The following DLG2 variants were observed in gnomAD, a reference collection of about 807,000 sequenced individuals.
The protein encoded by DLG2 is discs large MAGUK scaffold protein 2, also known as disks large homolog 2.
In DLG2, 45 loss-of-function variants were observed where a neutral mutation model predicts 132.5. That is an observed-to-expected ratio of 0.34 (90% CI 0.27 to 0.44). The LOEUF is 0.44. Ranked by LOEUF, DLG2 falls within the 20% of genes least tolerant of loss-of-function variation. The probability of loss-of-function intolerance (pLI) is 1.00; values close to 1 mark genes in which losing one functional copy is unlikely to be tolerated. For missense variants in DLG2, 1,045 were observed against 1,196.9 expected, an observed-to-expected ratio of 0.87 and a Z score of 1.87; for synonymous variants, 424 against 419.6, an observed-to-expected ratio of 1.01 and a Z score of -0.13.
At chr11:84,384,511 A>C (rs1296472040) in intron 7 of DLG2, among the ~76,000 whole-genome samples, 1 of 152,118 alleles carries the variant, frequency 6.6e-6, no homozygotes, top group Non-Finnish European at 1.5e-5. Context: ...CCCTCCTATT[A>C]GAATGATAAT....
At chr11:83,620,869 C>CAA (rs56868518) in intron 19 of DLG2, among the ~76,000 whole-genome samples, 8,209 of 56,944 alleles carry the variant, frequency 0.14, 1,474 homozygotes, top group East Asian at 0.46. Flanking sequence ...GACTCCGTCT[C>CAA]AAAAAAAAAA....
chr11:83,761,840 C>T (rs1178371487), intron 18 of DLG2, among the ~76,000 whole-genome samples: 3 of 152,194 alleles, frequency 2.0e-5, no homozygotes, highest in Admixed American at 2.0e-4. Context: ...CATAGCAACT[C>T]AACAAATCTT....
At chr11:84,139,282 C>T (rs1460898850) in intron 9 of DLG2, among the ~76,000 whole-genome samples, 6 of 152,042 alleles carry the variant, frequency 3.9e-5, no homozygotes, top group Admixed American at 3.3e-4. Context: ...CCATGAATTC[C>T]AGGCACCACA....
chr11:84,947,187 G>A (rs1416719664), intron 6 of DLG2, among the ~76,000 whole-genome samples: 2 of 152,128 alleles, frequency 1.3e-5, no homozygotes, highest in Non-Finnish European at 2.9e-5. Flanking sequence ...ACCAGGTACT[G>A]TAATTGCTTA....
intron 6 of DLG2, among the ~76,000 whole-genome samples, chr11:84,840,217 C>T (rs1420352060): frequency 6.6e-6 from 1 of 152,132 alleles, no homozygotes; most frequent in Non-Finnish European, 1.5e-5. Context: ...GACGTTTATG[C>T]AGCCAACAGA....
chr11:84,374,069 C>T (rs1438232200), intron 7 of DLG2, among the ~76,000 whole-genome samples: 6 of 152,144 alleles, frequency 3.9e-5, no homozygotes, highest in Non-Finnish European at 5.9e-5. Flanking sequence ...TGAAAACCCA[C>T]CAAACTGAGT....
At chr11:84,199,179 G>GA in intron 8 of DLG2, among the ~76,000 whole-genome samples, 2 of 152,226 alleles carry the variant, frequency 1.3e-5, no homozygotes. Flanking sequence ...GTGCTAGAAA[G>GA]CTTTGAATCT....
At chr11:85,575,993 G>A (rs191364125) in intron 3 of DLG2, among the ~76,000 whole-genome samples, 1 of 152,204 alleles carries the variant, frequency 6.6e-6, no homozygotes, top group East Asian at 1.9e-4. Flanking sequence ...ATGAATAATT[G>A]CATCAATAAG....
intron 6 of DLG2, among the ~76,000 whole-genome samples, chr11:84,626,034 T>C (rs1004016536): frequency 3.8e-4 from 58 of 152,368 alleles, no homozygotes; most frequent in African/African-American, 1.3e-3. Flanking sequence ...ATAATTATGA[T>C]AGTAACTGCT....
chr11:85,027,942 C>A (rs1257962083), intron 6 of DLG2, among the ~76,000 whole-genome samples: 1 of 152,122 alleles, frequency 6.6e-6, no homozygotes, highest in Non-Finnish European at 1.5e-5. Context: ...CTCTTTCAGT[C>A]CCACCATTTG....
intron 12 of DLG2, among the ~76,000 whole-genome samples, chr11:83,977,552 A>G (rs1454489175): frequency 6.6e-6 from 1 of 152,100 alleles, no homozygotes; most frequent in Non-Finnish European, 1.5e-5. Flanking sequence ...AGGCAGGAGG[A>G]AAAACATATT....
intron 7 of DLG2, among the ~76,000 whole-genome samples, chr11:84,266,788 C>T (rs2097643497): frequency 6.6e-6 from 1 of 152,212 alleles, no homozygotes; most frequent in Non-Finnish European, 1.5e-5. Flanking sequence ...AAGAATTTAT[C>T]TGAGGCAAGA....
intron 4 of DLG2, among the ~76,000 whole-genome samples, chr11:85,275,413 T>C (rs2077827066): frequency 6.6e-6 from 1 of 152,204 alleles, no homozygotes; most frequent in African/African-American, 2.4e-5. Context: ...CTTATATTAC[T>C]TACTTTCAAT....
intron 6 of DLG2, among the ~76,000 whole-genome samples, chr11:84,653,237 A>C (rs2099684286): frequency 6.6e-6 from 1 of 152,130 alleles, no homozygotes; most frequent in African/African-American, 2.4e-5. Context: ...GCCCAATATT[A>C]GATTTTTAAT....
intron 6 of DLG2, among the ~76,000 whole-genome samples, chr11:84,571,260 T>A (rs886309863): frequency 6.6e-6 from 1 of 152,032 alleles, no homozygotes; most frequent in African/African-American, 2.4e-5. Flanking sequence ...TCCCATCTCC[T>A]CTTTTTCCTT....
At chr11:83,647,041 C>A (rs1333988415) in intron 18 of DLG2, 1 of 151,962 alleles carries the variant, frequency 6.6e-6, no homozygotes, top group Non-Finnish European at 1.5e-5. Flanking sequence ...GCTTATAAGT[C>A]CAAATTAATG....
intron 7 of DLG2, among the ~76,000 whole-genome samples, chr11:84,502,218 C>CT (rs1567803567): frequency 0.017 from 200 of 11,662 alleles, 42 homozygotes; most frequent in Admixed American, 0.023. Context: ...TTCCTTCCTT[C>CT]CTTCCTTCCT....
chr11:83,484,634 T>C (rs1294838520), intron 21 of DLG2, among the ~76,000 whole-genome samples: 1 of 152,182 alleles, frequency 6.6e-6, no homozygotes, highest in African/African-American at 2.4e-5. Context: ...GCTCTTACGT[T>C]GTGAGACTCA....
At chr11:85,056,022 C>T (rs1313412338) in intron 6 of DLG2, among the ~76,000 whole-genome samples, 1 of 152,020 alleles carries the variant, frequency 6.6e-6, no homozygotes, top group Non-Finnish European at 1.5e-5. Flanking sequence ...AGTAAAACCT[C>T]TCCAAAGAGA....
Sources: allele counts gnomAD v4.1 joint callset (sites outside exome capture counted in the v4.1 genomes callset), GRCh38; gene constraint gnomAD v4.1.1; transcripts MANE v1.5; gene names NCBI Gene and HGNC (gene_info 2026-07-23, HGNC 2026-07-21).